The following ENO3 variants were observed in gnomAD, a reference collection of about 807,000 sequenced individuals.
The protein encoded by ENO3 is enolase 3.
ENO3 carries 46 observed loss-of-function variants against 47.7 expected under a neutral mutation model. The observed-to-expected ratio is 0.96, with a 90% CI of 0.76 to 1.23. The LOEUF (loss-of-function observed/expected upper bound fraction) is 1.23. ENO3 is among the 50% of genes most tolerant of loss of function. The probability of loss-of-function intolerance (pLI) is 0.00; values close to 1 mark genes in which losing one functional copy is unlikely to be tolerated. For missense variants in ENO3, 575 were observed against 566.2 expected, an observed-to-expected ratio of 1.02 and a Z score of -0.16; for synonymous variants, 223 against 225.9, an observed-to-expected ratio of 0.99 and a Z score of 0.11.
rs537867835 is a variant in ENO3, at chr17:4,951,144, C to T, written c.-41C>T. ...GACACTGTCCCAGCTGCCACCTAGA[C>T]TCGGAGCTCCATCCAAACCTCCAGC... On this transcript the variant is annotated 5_prime_UTR_variant, in exon 1 of 12. Coordinates refer to ENST00000519602, the MANE Select transcript of ENO3 (RefSeq NM_053013.4). 3.0e-6 allele frequency: 3 copies of T among 988,870 alleles called. No individual in the cohort carries two copies. The highest frequency in any genetic ancestry group is 3.6e-6 in the Non-Finnish European group (3 of 832,126). 61.3% of individuals were successfully genotyped at this position (988,870 alleles called of 1,614,324 possible).
At chr17:4,956,923 T>A (rs1254263072) in intron 11 of ENO3, 34 bp downstream of exon 11, 2 of 1,614,138 alleles carry the variant, frequency 1.2e-6, no homozygotes, top group East Asian at 4.5e-5. Flanking sequence ...GGCATTGGGG[T>A]GCTGGAGGCT....
In ENO3 at chr17:4,955,583, A is replaced by G. The variant is rs776029162; in HGVS notation, c.844A>G (p.Ser282Gly). 13 of 1,614,102 alleles carry G rather than the reference A, an allele frequency of 8.1e-6. No homozygotes were observed. The African/African-American group carries it at 1.3e-4, about 17-fold the overall frequency. Residue 282 changes from serine to glycine, a missense_variant, in exon 8 of 12, where the codon AGC (serine) becomes GGC (glycine). Physicochemically the swap from Ser to Gly is moderately conservative, Grantham distance 56. Coordinates refer to ENST00000519602, the MANE Select transcript of ENO3 (RefSeq NM_053013.4). ...TGEKLGELYKSFIKNYPVVSI... is the reference protein window; with the variant it reads ...TGEKLGELYKGFIKNYPVVSI... The stretch of plus-strand genomic sequence containing the variant: ...GGAGAAGCTCGGAGAGCTGTATAAG[A>G]GCTTTATCAAGAACTATCCTGGTGA...
At chr17:4,952,603 G>A (rs528121133) in intron 2 of ENO3, among the ~76,000 whole-genome samples, 192 bp from the exon 3 acceptor site, 5 of 152,198 alleles carry the variant, frequency 3.3e-5, no homozygotes, top group South Asian at 2.1e-4. Flanking sequence ...GATTACAGGC[G>A]TGAGCCACCG....
upstream of ENO3, chr17:4,950,674 C>A: frequency 1.0e-6 from 1 of 985,176 alleles, no homozygotes; most frequent in Non-Finnish European, 1.2e-6. Context: ...CCGTCCTTTC[C>A]CCCACTGAGG....
chr17:4,952,910 G>A lies in ENO3; in HGVS notation c.181+20G>A. 6.2e-7 allele frequency: 1 copy of A among 1,611,444 alleles called. No homozygotes were observed. Among genetic ancestry groups the A allele is most frequent in the Non-Finnish European group, 8.5e-7 (1 of 1,178,550 alleles). The stretch of plus-strand genomic sequence containing the variant: ...GGAAAGGTGAGGAGACACCAGCGCA[G>A]AAGGAGCCTGTGTGGGCGGCTTTAG... On this transcript the variant is annotated intron_variant, in intron 3 of 11. Transcript: ENST00000519602.
Position 4,956,154 on chromosome 17 carries a change from C to G in ENO3, c.1067+11C>G, listed in dbSNP as rs1437283757. The G allele has an allele frequency of 1.2e-6, 2 of 1,613,486 alleles. No homozygotes were observed. Among genetic ancestry groups the G allele is most frequent in the South Asian group, 2.2e-5 (2 of 91,016 alleles). ...CGAATCGATCCAGGCGTGAGTGCCT[C>G]CTGACCCTGAGGCTCACCATAGCCT... On this transcript the variant is annotated intron_variant, in intron 9 of 11. Transcript: ENST00000519602.
At position 4,955,182 on chromosome 17, in the gene ENO3, T is replaced by C. The variant is rs1251442649; in HGVS notation, c.552T>C (p.Ile184=). The part of the protein sequence containing the change: ...GASSFKEAMR[I]GAEVYHHLKG... ...GCTCCTTCAAGGAAGCCATGCGCAT[T>C]GGCGCCGAGGTCTACCACCACCTCA... The change falls in exon 7 of 12, where the codon ATT becomes ATC. Residue 184 remains isoleucine (I), a synonymous_variant. Coordinates refer to ENST00000519602, the MANE Select transcript of ENO3 (RefSeq NM_053013.4). 1 of 1,614,200 alleles carries C rather than the reference T, an allele frequency of 6.2e-7. No homozygotes were observed. The highest frequency in any genetic ancestry group is 1.7e-5 in the Admixed American group (1 of 60,024).
At chr17:4,951,737 C>T in intron 1 of ENO3, 91 bp from the exon 2 acceptor site, 2 of 1,426,476 alleles carry the variant, frequency 1.4e-6, no homozygotes, top group African/African-American at 1.4e-5. Flanking sequence ...CACCTGCCTT[C>T]TTGGAGTGGG....
Position 4,955,406 on chromosome 17 carries a change from G to A in ENO3, c.668-1G>A. ...CAGGTCCTTTCTTGGTCCTCCCCCA[G>A]CCCTGGAGCTGCTGAAGACGGCCAT... is the stretch of plus-strand genomic sequence containing the variant. On this transcript the variant is annotated splice_acceptor_variant, in intron 7 of 11. Transcript: ENST00000519602. LOFTEE classifies it high-confidence loss of function. The A allele has an allele frequency of 2.5e-6, 4 of 1,614,230 alleles. No individual in the cohort carries two copies. Among genetic ancestry groups the A allele is most frequent in the South Asian group, 1.1e-5 (1 of 91,092 alleles).
In ENO3 at chr17:4,956,587, A is replaced by AG; in HGVS notation, c.1083dup (p.Ser362ValfsTer2). On this transcript the variant is annotated frameshift_variant, in exon 10 of 12. Coordinates refer to ENST00000519602, the MANE Select transcript of ENO3 (RefSeq NM_053013.4). LOFTEE classifies it high-confidence loss of function. ...TCTCCACTCAGGTGCAAACTGGCTC[A>AG]GTCTAATGGCTGGGGGGTGATGGTG... The AG allele has an allele frequency of 6.2e-7, 1 of 1,614,166 alleles. No homozygotes were observed. The highest frequency in any genetic ancestry group is 8.5e-7 in the Non-Finnish European group (1 of 1,180,022).
In ENO3 at chr17:4,953,325, T is replaced by C; in HGVS notation, c.294T>C (p.Asp98=). The part of the protein sequence containing the change: ...EKVDKFMIEL[D]GTENKSKFGA... ...TTGACAAATTTATGATTGAGCTAGA[T>C]GGGACCGAGAATAAGTGTGAGTGAA... The change falls in exon 5 of 12, where the codon GAT becomes GAC. Residue 98 remains aspartate (D), a synonymous_variant. Transcript: ENST00000519602. The C allele has an allele frequency of 6.2e-7, 1 of 1,614,220 alleles. No homozygotes were observed. Among genetic ancestry groups the C allele is most frequent in the Non-Finnish European group, 8.5e-7 (1 of 1,180,042 alleles).
intron 2 of ENO3, among the ~76,000 whole-genome samples, chr17:4,952,544 CGATCTCCT>C (rs1468401968): frequency 2.0e-5 from 3 of 152,106 alleles, no homozygotes; most frequent in African/African-American, 7.2e-5. Flanking sequence ...AGGATTGTCT[CGATCTCCT>C]GATCTCGTGA....
chr17:4,950,492 G>A (rs1017932013), upstream of ENO3: 104 of 905,496 alleles, frequency 1.1e-4, no homozygotes, highest in Non-Finnish European at 1.3e-4. Flanking sequence ...CTGTCCCAGC[G>A]TTATCAGTCG....
Position 4,955,003 on chromosome 17 carries a change from C to A in ENO3, c.445-72C>A, listed in dbSNP as rs548491100. 166 of 1,412,478 alleles carry A rather than the reference C, an allele frequency of 1.2e-4. 3 individuals carry two copies. The highest frequency in any genetic ancestry group is 2.5e-4 in the Middle Eastern group (1 of 3,976). The allele number at this position is 1,412,478 out of a possible 1,614,324, so 87.5% of individuals were successfully genotyped here. Reference sequence around the variant, plus strand: ...TAGGGAAGCCAGGTTTCCACCCCAACACCCCCCGCCCCTGTCCCTTCTTGA... The same window carrying A: ...TAGGGAAGCCAGGTTTCCACCCCAAAACCCCCCGCCCCTGTCCCTTCTTGA... On this transcript the variant is annotated intron_variant, in intron 6 of 11. Coordinates refer to ENST00000519602, the MANE Select transcript of ENO3 (RefSeq NM_053013.4).
At chr17:4,955,006 C>A in intron 6 of ENO3, 69 bp from the exon 7 acceptor site, 3 of 1,476,382 alleles carry the variant, frequency 2.0e-6, no homozygotes, top group Non-Finnish European at 2.8e-6. Context: ...ACCCCAACAC[C>A]CCCCGCCCCT....
rs1971735627 is a variant in ENO3 at position 4,956,481 on chromosome 17, C to T, written c.1068-92C>T. The T allele has an allele frequency of 4.0e-6, 5 of 1,260,060 alleles. No homozygotes were observed. In the South Asian group the frequency reaches 4.8e-5, roughly 12 times the overall value. 78.1% of individuals were successfully genotyped at this position (1,260,060 alleles called of 1,614,324 possible). A position where few individuals can be genotyped will look rare whatever the true frequency, so the allele number is the denominator to read the frequency against. ...CACTGCCCTCCCTGCAGAGTGCTTGCTACCCAAAACAGAAGGGAGAGGCCC... is the reference window on the plus strand; with the variant it reads ...CACTGCCCTCCCTGCAGAGTGCTTGTTACCCAAAACAGAAGGGAGAGGCCC... On this transcript the variant is annotated intron_variant, in intron 9 of 11. Coordinates refer to ENST00000519602, the MANE Select transcript of ENO3 (RefSeq NM_053013.4).
At chr17:4,950,805 T>C (rs1348697662), upstream of ENO3, among the ~76,000 whole-genome samples, 1 of 152,034 alleles carries the variant, frequency 6.6e-6, no homozygotes, top group Non-Finnish European at 1.5e-5. Flanking sequence ...AGGTCACTCA[T>C]TCCTCTTGAC....
At chr17:4,952,039 C>T in intron 2 of ENO3, 125 bp downstream of exon 2, 1 of 1,044,308 alleles carries the variant, frequency 9.6e-7, no homozygotes, top group East Asian at 2.6e-5. Flanking sequence ...CTTCCCAAGC[C>T]CCCTTCTTCC....
At chr17:4,953,450 C>G (rs1157156694) in intron 5 of ENO3, 109 bp downstream of exon 5, 1 of 1,493,660 alleles carries the variant, frequency 6.7e-7, no homozygotes, top group African/African-American at 1.4e-5. Context: ...TTGGGTCACA[C>G]CGCAGCTGGA....
Sources: allele counts gnomAD v4.1 joint callset (sites outside exome capture counted in the v4.1 genomes callset), GRCh38; gene constraint gnomAD v4.1.1; transcripts MANE v1.5; gene names NCBI Gene and HGNC (gene_info 2026-07-23, HGNC 2026-07-21).